Variants in STAT5B observed in about 807,000 individuals in gnomAD.
The protein encoded by STAT5B is transcription factor STAT5B.
Under a neutral mutation model 107.8 loss-of-function variants are expected in STAT5B, and 21 were observed. The observed-to-expected ratio is 0.19, with a 90% confidence interval of 0.14 to 0.28. The LOEUF is 0.28. Among genes scored for constraint, STAT5B ranks in the 10% least tolerant of loss-of-function variants. STAT5B has a pLI of 1.00. For missense variants in STAT5B, 565 were observed against 1,008.2 expected, an observed-to-expected ratio of 0.56 and a Z score of 5.95; for synonymous variants, 325 against 401.7, an observed-to-expected ratio of 0.81 and a Z score of 2.28.
chr17:42,280,966 C>T (rs531739841), upstream of STAT5B, among the ~76,000 whole-genome samples: 1 of 152,040 alleles, frequency 6.6e-6, no homozygotes, highest in South Asian at 2.1e-4. Flanking sequence ...AACCCTGACT[C>T]TACTAAAAAT....
intron 1 of STAT5B, among the ~76,000 whole-genome samples, chr17:42,267,831 C>T (rs1237638263): frequency 6.6e-6 from 1 of 151,730 alleles, no homozygotes; most frequent in Non-Finnish European, 1.5e-5. Context: ...TGGTGGCACA[C>T]GCCTGTAATC....
upstream of STAT5B, among the ~76,000 whole-genome samples, chr17:42,278,520 T>A (rs776126184): frequency 3.3e-5 from 5 of 151,950 alleles, no homozygotes; most frequent in South Asian, 2.1e-4. Flanking sequence ...GTGATGATTT[T>A]TTTTTATTTT....
chr17:42,241,143 A>G (rs1351027441), intron 1 of STAT5B, among the ~76,000 whole-genome samples: 1 of 151,830 alleles, frequency 6.6e-6, no homozygotes, highest in African/African-American at 2.4e-5. Context: ...GTTCAAGACC[A>G]GCCTGACCAA....
At chr17:42,248,273 CAAAAAAAAA>C (rs61401221) in intron 1 of STAT5B, among the ~76,000 whole-genome samples, 5 of 69,198 alleles carry the variant, frequency 7.2e-5, no homozygotes, top group East Asian at 4.2e-4. Flanking sequence ...AGATCTTGTC[CAAAAAAAAA>C]AAAAAAAAAA....
chr17:42,220,110 C>T, intron 5 of STAT5B, among the ~76,000 whole-genome samples: 1 of 152,190 alleles, frequency 6.6e-6, no homozygotes, highest in Non-Finnish European at 1.5e-5. Flanking sequence ...GGCCTGCCTG[C>T]CTCCTGCCCG....
chr17:42,265,960 C>A (rs552577820), intron 1 of STAT5B, among the ~76,000 whole-genome samples: 1 of 151,938 alleles, frequency 6.6e-6, no homozygotes, highest in Non-Finnish European at 1.5e-5. Context: ...ATATAGATTA[C>A]TTATATATTA....
intron 2 of STAT5B, among the ~76,000 whole-genome samples, chr17:42,230,493 C>A (rs1026116532): frequency 6.6e-6 from 1 of 152,144 alleles, no homozygotes; most frequent in Non-Finnish European, 1.5e-5. Flanking sequence ...AATTAAAAAC[C>A]TGTGCTGTTA....
chr17:42,286,285 A>C, the STAT5B span, among the ~76,000 whole-genome samples: 2 of 151,534 alleles, frequency 1.3e-5, no homozygotes, highest in East Asian at 3.9e-4. Context: ...AATGAAAGAC[A>C]CAGATATTCG....
chr17:42,275,682 G>T (rs562019482), intron 1 of STAT5B: 1 of 152,208 alleles, frequency 6.6e-6, no homozygotes, highest in African/African-American at 2.4e-5. Flanking sequence ...CCTGATGTGG[G>T]ATCCCGCCCC....
intron 16 of STAT5B, among the ~76,000 whole-genome samples, chr17:42,203,909 G>A (rs1161758857): frequency 1.3e-5 from 2 of 152,030 alleles, no homozygotes; most frequent in African/African-American, 4.8e-5. Flanking sequence ...TTACAGGTGT[G>A]AGCCACGGTG....
intron 15 of STAT5B, 36 bp downstream of exon 15, chr17:42,210,135 A>G: frequency 6.2e-7 from 1 of 1,614,138 alleles, no homozygotes; most frequent in Middle Eastern, 1.7e-4. Context: ...TAACGAAAGC[A>G]GCTAACTTTG....
rs560198087 is a variant in STAT5B, at chr17:42,201,727, A to C, written c.*11T>G. ...GAAGATGAAGAAGCTGAAGATGGAG[A>C]GGTCGCGGGGTCACGATTGTGCGTG... On this transcript the variant is annotated 3_prime_UTR_variant, in exon 19 of 19. Transcript: ENST00000293328. 6.7e-7 allele frequency: 1 copy of C among 1,499,892 alleles called. No individual in the cohort carries two copies. Among genetic ancestry groups the C allele is most frequent in the South Asian group, 1.1e-5 (1 of 88,852 alleles). 92.9% of individuals were successfully genotyped at this position (1,499,892 alleles called of 1,614,324 possible).
In STAT5B at chr17:42,218,231, G is replaced by A. The variant is rs2144245566; in HGVS notation, c.1089C>T (p.His363=). The change falls in exon 9 of 19, where the codon CAC becomes CAT. Residue 363 remains histidine (H), a synonymous_variant. Transcript: ENST00000293328. ...RLLVGGKLNV[H]MNPPQVKATI... ...TGGCCTTCACCTGGGGGGGGTTCATGTGCACGTTCAGCTTCCCGCCCACCA... is the reference window on the plus strand; with the variant it reads ...TGGCCTTCACCTGGGGGGGGTTCATATGCACGTTCAGCTTCCCGCCCACCA... 2.5e-6 allele frequency: 4 copies of A among 1,614,152 alleles called. No individual in the cohort carries two copies. Among genetic ancestry groups the A allele is most frequent in the South Asian group, 1.1e-5 (1 of 91,082 alleles).
intron 16 of STAT5B, among the ~76,000 whole-genome samples, chr17:42,203,703 T>G (rs1037964096): frequency 6.6e-6 from 1 of 152,142 alleles, no homozygotes; most frequent in Non-Finnish European, 1.5e-5. Flanking sequence ...CTCAGCTCAC[T>G]GCAACCTCTG....
In STAT5B at chr17:42,207,524, C is replaced by CACA. The variant is rs533819922; in HGVS notation, c.2077+33_2077+34insTGT. Reference sequence around the variant, plus strand: ...ACACACACACACACACACACACACACAACAAAATCAAATCAGAATGCGAAC... The same window carrying CACA: ...ACACACACACACACACACACACACACACAAACAAAATCAAATCAGAATGCGAAC... On this transcript the variant is annotated intron_variant, in intron 16 of 18. Transcript: ENST00000293328. 2.2e-5 allele frequency: 33 copies of CACA among 1,471,370 alleles called. No individual in the cohort carries two copies. The African/African-American group carries it at 6.6e-4, about 30-fold the overall frequency. 91.1% of individuals were successfully genotyped at this position (1,471,370 alleles called of 1,614,324 possible).
Position 42,218,897 on chromosome 17 carries a change from G to A in STAT5B, c.834-19C>T. 2 of 1,613,790 alleles carry A rather than the reference G, an allele frequency of 1.2e-6. No homozygotes were observed. The highest frequency in any genetic ancestry group is 8.5e-7 in the Non-Finnish European group (1 of 1,179,844). ...CTCACACCTGCACGAGAGCCCCAAGGCCAACAGGAGGACAATGGCTCCTCC... is the reference window on the plus strand; with the variant it reads ...CTCACACCTGCACGAGAGCCCCAAGACCAACAGGAGGACAATGGCTCCTCC... On this transcript the variant is annotated intron_variant, in intron 7 of 18. Coordinates refer to ENST00000293328, the MANE Select transcript of STAT5B (RefSeq NM_012448.4).
At chr17:42,257,850 A>G (rs1198168090) in intron 1 of STAT5B, among the ~76,000 whole-genome samples, 2 of 152,226 alleles carry the variant, frequency 1.3e-5, no homozygotes, top group Admixed American at 1.3e-4. Context: ...TATAACAAAA[A>G]TATTTTGAAA....
chr17:42,280,993 G>A (rs932076726), upstream of STAT5B, among the ~76,000 whole-genome samples: 1 of 152,056 alleles, frequency 6.6e-6, no homozygotes, highest in East Asian at 1.9e-4. Flanking sequence ...AATTAGCCGG[G>A]CGTGGTGGCG....
intron 1 of STAT5B, among the ~76,000 whole-genome samples, chr17:42,252,860 C>T (rs529277861): frequency 6.6e-5 from 10 of 152,258 alleles, no homozygotes; most frequent in Non-Finnish European, 7.4e-5. Flanking sequence ...GCTAAAATTC[C>T]AAAGAAAGGA....
Sources: allele counts gnomAD v4.1 joint callset (sites outside exome capture counted in the v4.1 genomes callset), GRCh38; gene constraint gnomAD v4.1.1; transcripts MANE v1.5; gene names NCBI Gene and HGNC (gene_info 2026-07-23, HGNC 2026-07-21).